DYSF: variants seen among roughly 807,000 people sequenced by gnomAD.
The protein encoded by DYSF is dysferlin, also known as dystrophy-associated fer-1-like 1.
A neutral mutation model predicts 274.9 loss-of-function variants in DYSF; 212 were observed. The ratio of observed to expected loss-of-function variants is 0.77; its 90% CI spans 0.69 to 0.86. The LOEUF (loss-of-function observed/expected upper bound fraction) is 0.86. Among genes scored for constraint, DYSF ranks in the 40% least tolerant of loss-of-function variants. The pLI, the probability that DYSF is intolerant of heterozygous loss-of-function variation, is 0.00. For missense variants in DYSF, 2,666 were observed against 2,783.2 expected, an observed-to-expected ratio of 0.96 and a Z score of 0.95; for synonymous variants, 1,091 against 1,078.7, an observed-to-expected ratio of 1.01 and a Z score of -0.22.
Position 71,511,796 on chromosome 2 carries a change from A to T in DYSF, c.346-11A>T. The T allele has an allele frequency of 6.5e-7, 1 of 1,535,888 alleles. No homozygotes were observed. Among genetic ancestry groups the T allele is most frequent in the Non-Finnish European group, 8.8e-7 (1 of 1,133,028 alleles). On this transcript the variant is annotated splice_polypyrimidine_tract_variant and intron_variant, in intron 4 of 55. Transcript: ENST00000410020. Reference sequence around the variant, plus strand: ...CGCACCAACCTGTCCCCCACGTCTCATCTCTTCCAGGCCTCGCTGGTCCTG... The same window carrying T: ...CGCACCAACCTGTCCCCCACGTCTCTTCTCTTCCAGGCCTCGCTGGTCCTG...
chr2:71,613,341 G>A lies in DYSF; in HGVS notation c.4395G>A (p.Val1465=). 6.2e-7 allele frequency: 1 copy of A among 1,613,006 alleles called. No individual in the cohort carries two copies. The highest frequency in any genetic ancestry group is 2.2e-5 in the East Asian group (1 of 44,854). Residue 1465 remains valine, a synonymous_variant, in exon 40 of 56, where the codon GTG becomes GTA. Coordinates refer to ENST00000410020, the MANE Select transcript of DYSF (RefSeq NM_001130987.2). ...SPSPQGGPDD[V]SLLSPGEDVL... The stretch of plus-strand genomic sequence containing the variant: ...TGGCTCCCTCCCCTGCAGACGATGT[G>A]AGCCTACTCAGTCCTGGGGAAGACG...
At chr2:71,502,437 C>T (rs898546756) in intron 3 of DYSF, among the ~76,000 whole-genome samples, 1 of 152,070 alleles carries the variant, frequency 6.6e-6, no homozygotes, top group South Asian at 2.1e-4. Context: ...AGACACCAGG[C>T]GACAGGTTCC....
intron 42 of DYSF, among the ~76,000 whole-genome samples, chr2:71,652,894 AT>A (rs1486444629): frequency 6.6e-6 from 1 of 152,248 alleles, no homozygotes; most frequent in African/African-American, 2.4e-5. Flanking sequence ...GTTTAAACAA[AT>A]ATGATGTTTA....
At chr2:71,553,782 G>T (rs372466676) in intron 20 of DYSF, 25 bp from the exon 21 acceptor site, 1 of 870,932 alleles carries the variant, frequency 1.1e-6, no homozygotes, top group African/African-American at 1.8e-5. Context: ...CTGGCACAGC[G>T]CTCAGGCCCG....
intron 4 of DYSF, among the ~76,000 whole-genome samples, chr2:71,510,967 C>G (rs778487307): frequency 6.6e-6 from 1 of 152,232 alleles, no homozygotes; most frequent in Non-Finnish European, 1.5e-5. Context: ...GCTTCCCAAA[C>G]TTTCTTAGAG....
At position 71,561,914 on chromosome 2, in the gene DYSF, G is replaced by C. The variant is rs1300843960; in HGVS notation, c.2379G>C (p.Trp793Cys). The C allele has an allele frequency of 6.2e-7, 1 of 1,614,150 alleles. No homozygotes were observed. ...CAGCTCTGGAGCAGGCGGAGGACTG[G>C]CTCCTGCGTCTGCGTGCCCTGGCAG... ...LPAALEQAEDWLLRLRALAEE... is the reference protein window; with the variant it reads ...LPAALEQAEDCLLRLRALAEE... The change falls in exon 23 of 56, where the codon TGG (tryptophan) becomes TGC (cysteine). Residue 793 changes from tryptophan (W) to cysteine (C), a missense_variant. By Grantham distance (215) the Trp-to-Cys change is radical. Transcript: ENST00000410020.
At chr2:71,642,504 G>A (rs555854213) in intron 41 of DYSF, among the ~76,000 whole-genome samples, 2 of 152,278 alleles carry the variant, frequency 1.3e-5, no homozygotes, top group East Asian at 3.9e-4. Context: ...CTCTAAGCTG[G>A]CTTTTTCTAG....
intron 40 of DYSF, among the ~76,000 whole-genome samples, chr2:71,616,686 T>A (rs1449524848): frequency 6.6e-6 from 1 of 152,182 alleles, no homozygotes; most frequent in Non-Finnish European, 1.5e-5. Flanking sequence ...TATATTCATT[T>A]TTTCAGATAA....
chr2:71,563,316 T>C (rs1384866859), intron 23 of DYSF, among the ~76,000 whole-genome samples: 2 of 152,210 alleles, frequency 1.3e-5, no homozygotes, highest in Non-Finnish European at 2.9e-5. Flanking sequence ...AAGCGACGCA[T>C]GGGCATGCTT....
rs17718530 is a variant in DYSF at position 71,679,148 on chromosome 2, A to T, written c.5976A>T (p.Pro1992=). 1.9e-6 allele frequency: 3 copies of T among 1,613,796 alleles called. No homozygotes were observed. Among genetic ancestry groups the T allele is most frequent in the South Asian group, 1.1e-5 (1 of 91,070 alleles). Residue 1992 remains proline, a synonymous_variant, in exon 53 of 56, where the codon CCA becomes CCT. Transcript: ENST00000410020. ...ACCAGCTGGATGATGCTTTCCACCC[A>T]GAATGGTTTGTGTCCCTTTTTGAGC... ...SLDQLDDAFH[P]EWFVSLFEQK...
intron 30 of DYSF, among the ~76,000 whole-genome samples, chr2:71,577,288 A>G (rs149878570): frequency 3.3e-5 from 5 of 151,518 alleles, no homozygotes; most frequent in Non-Finnish European, 5.9e-5. Flanking sequence ...CTCATACACA[A>G]CACACTCTGT....
At chr2:71,526,368 G>A in intron 13 of DYSF, 22 bp downstream of exon 13, 2 of 1,610,128 alleles carry the variant, frequency 1.2e-6, no homozygotes, top group Non-Finnish European at 1.7e-6. Context: ...GCGCCCTTGG[G>A]TGGGAGGTCT....
chr2:71,573,809 CTTTTTCT>C (rs1172047134), intron 29 of DYSF, among the ~76,000 whole-genome samples: 5 of 151,944 alleles, frequency 3.3e-5, no homozygotes, highest in Admixed American at 6.6e-5. Flanking sequence ...CCTGATTTTT[CTTTTTCT>C]TTTTTCTTTT....
At chr2:71,465,518 A>C (rs2152639469), upstream of DYSF, among the ~76,000 whole-genome samples, 1 of 152,284 alleles carries the variant, frequency 6.6e-6, no homozygotes, top group South Asian at 2.1e-4. Context: ...CATGACTACA[A>C]AAGGCACCAC....
intron 41 of DYSF, among the ~76,000 whole-genome samples, chr2:71,626,315 TTC>T (rs1202212198): frequency 6.6e-5 from 10 of 151,824 alleles, no homozygotes; most frequent in Non-Finnish European, 1.2e-4. Context: ...GCTGTTTTTT[TTC>T]ATGAATGTTG....
intron 10 of DYSF, among the ~76,000 whole-genome samples, chr2:71,518,791 G>T (rs923061557): frequency 6.6e-6 from 1 of 151,760 alleles, no homozygotes; most frequent in Non-Finnish European, 1.5e-5. Flanking sequence ...TATTTATTCT[G>T]CCCAATAAAT....
In DYSF at chr2:71,511,941, C is replaced by CCAGCCAGGCCAACG; in HGVS notation, c.460+20_460+21insCAGCCAGGCCAACG. 1 of 1,470,982 alleles carries CCAGCCAGGCCAACG rather than the reference C, an allele frequency of 6.8e-7. No homozygotes were observed. Among genetic ancestry groups the CCAGCCAGGCCAACG allele is most frequent in the Non-Finnish European group, 9.3e-7 (1 of 1,074,612 alleles). The allele number at this position is 1,470,982 out of a possible 1,614,324, so 91.1% of individuals were successfully genotyped here. A position where few individuals can be genotyped will look rare whatever the true frequency, so the allele number is the denominator to read the frequency against. On this transcript the variant is annotated intron_variant, in intron 5 of 55. Transcript: ENST00000410020. ...TGGCAGGTGGGTAGCCCACGTTGGC[C>CCAGCCAGGCCAACG]TGGCTGGGCCCCAGCAAGAAGGCCG...
In DYSF at chr2:71,516,238, T is replaced by C. The variant is rs1553522164; in HGVS notation, c.947T>C (p.Ile316Thr). The change falls in exon 9 of 56, where the codon ATC becomes ACC. Residue 316 changes from isoleucine (I) to threonine (T), a missense_variant. By Grantham distance (89) the Ile-to-Thr change is moderately conservative. Transcript: ENST00000410020. The stretch of plus-strand genomic sequence containing the variant: ...GAGCTGTTTGATGAGCCCATCTTTA[T>C]CACGGTATGTCTCAGCAGTCAAAGT... ...PGELFDEPIF[I>T]TVVDSRSLRT... 2.5e-6 allele frequency: 4 copies of C among 1,614,156 alleles called. No homozygotes were observed. The highest frequency in any genetic ancestry group is 3.4e-6 in the Non-Finnish European group (4 of 1,179,972).
At position 71,615,736 on chromosome 2, in the gene DYSF, G is replaced by A. The variant is rs1221098394; in HGVS notation, c.4464+2326G>A. On this transcript the variant is annotated intron_variant, in intron 40 of 55. Transcript: ENST00000410020. The surrounding 1 kb of genome is among the most constrained non-coding windows in gnomAD (Gnocchi z 4.9). Reference sequence around the variant, plus strand: ...TGGTTTGCTAGATAACTATGGCTGGGCTTTCTTCCTCTCCCTCCTTCCCCA... The same window carrying A: ...TGGTTTGCTAGATAACTATGGCTGGACTTTCTTCCTCTCCCTCCTTCCCCA... 6.6e-6 allele frequency among the ~76,000 whole-genome samples: 1 copy of A among 152,184 alleles called. No individual in the cohort carries two copies. The highest frequency in any genetic ancestry group is 6.5e-5 in the Admixed American group (1 of 15,276).
Sources: allele counts gnomAD v4.1 joint callset (sites outside exome capture counted in the v4.1 genomes callset), GRCh38; gene constraint gnomAD v4.1.1; non-coding constraint Gnocchi (gnomAD v3.1); transcripts MANE v1.5; gene names NCBI Gene and HGNC (gene_info 2026-07-23, HGNC 2026-07-21).